Variants in DYTN observed in about 807,000 individuals in gnomAD.
The protein encoded by DYTN is dystrotelin.
Under a neutral mutation model 69.6 loss-of-function variants are expected in DYTN, and 75 were observed. That is an observed-to-expected ratio of 1.08 (90% CI 0.89 to 1.31). The LOEUF (loss-of-function observed/expected upper bound fraction) is 1.31. Ranked by LOEUF, DYTN falls within the 50% of genes most tolerant of loss-of-function variation. DYTN has a pLI of 0.00. For synonymous variants in DYTN, 252 were observed against 249.1 expected, an observed-to-expected ratio of 1.01 and a Z score of -0.11; for missense variants, 726 against 688.4, an observed-to-expected ratio of 1.05 and a Z score of -0.61.
chr2:206,715,343 G>A (rs1385415473), intron 1 of DYTN, among the ~76,000 whole-genome samples: 3 of 152,090 alleles, frequency 2.0e-5, no homozygotes, highest in Non-Finnish European at 4.4e-5. Flanking sequence ...CCCCAGAGGC[G>A]AGGGGGAGGG....
At chr2:206,691,718 A>C (rs889057452) in intron 9 of DYTN, among the ~76,000 whole-genome samples, 1 of 152,188 alleles carries the variant, frequency 6.6e-6, no homozygotes, top group African/African-American at 2.4e-5. Context: ...GGAATAATAG[A>C]TAGCATCTAA....
At chr2:206,689,510 G>A (rs1699842840) in intron 9 of DYTN, among the ~76,000 whole-genome samples, 3 of 152,202 alleles carry the variant, frequency 2.0e-5, no homozygotes, top group African/African-American at 4.8e-5. Context: ...CAACTCTACT[G>A]TACTTGGGGT....
At chr2:206,660,337 A>G (rs1190278306) in intron 11 of DYTN, among the ~76,000 whole-genome samples, 2 of 152,200 alleles carry the variant, frequency 1.3e-5, no homozygotes, top group African/African-American at 4.8e-5. Flanking sequence ...TTTAAGTATT[A>G]AACTGCACAA....
At chr2:206,669,668 A>C (rs956797868) in intron 9 of DYTN, among the ~76,000 whole-genome samples, 1 of 152,148 alleles carries the variant, frequency 6.6e-6, no homozygotes, top group Admixed American at 6.5e-5. Context: ...ATTTGCTTTT[A>C]TTTCTACATT....
chr2:206,669,497 C>T (rs907425190), intron 9 of DYTN, among the ~76,000 whole-genome samples: 6 of 152,188 alleles, frequency 3.9e-5, no homozygotes, highest in Non-Finnish European at 8.8e-5. Context: ...ATTCAATAAT[C>T]AGCCTTACAC....
chr2:206,675,243 A>AT (rs1699673373), intron 9 of DYTN, among the ~76,000 whole-genome samples: 1 of 144,570 alleles, frequency 6.9e-6, no homozygotes, highest in Admixed American at 7.0e-5. Flanking sequence ...GTATATATGT[A>AT]AATAAACATA....
rs1400692453 is a variant in DYTN at position 206,700,170 on chromosome 2, C to T, written c.530G>A (p.Ser177Asn). 6.2e-7 allele frequency: 1 copy of T among 1,613,852 alleles called. No individual in the cohort carries two copies. Among genetic ancestry groups the T allele is most frequent in the East Asian group, 2.2e-5 (1 of 44,896 alleles). ...GESRALCPVE[S>N]ATRSCFQGVL... is the part of the protein sequence containing the mutation. ...CCCTTGGAAACAGCTGCGGGTGGCA[C>T]TTTCCACAGGGCACAGAGCACGACT... Residue 177 changes from serine (S) to asparagine (N), a missense_variant, in exon 6 of 12, where the codon AGT becomes AAT. Transcript: ENST00000452335.
chr2:206,672,060 C>T (rs1699635688), intron 9 of DYTN, among the ~76,000 whole-genome samples: 1 of 152,196 alleles, frequency 6.6e-6, no homozygotes, highest in Non-Finnish European at 1.5e-5. Flanking sequence ...CACACTCACA[C>T]ACTTGAAAAT....
At chr2:206,691,744 G>A (rs548785553) in intron 9 of DYTN, among the ~76,000 whole-genome samples, 2 of 152,172 alleles carry the variant, frequency 1.3e-5, no homozygotes, top group East Asian at 3.9e-4. Context: ...AGGTCATTGT[G>A]TACTTTATCC....
intron 11 of DYTN, among the ~76,000 whole-genome samples, chr2:206,658,272 T>C (rs1438948863): frequency 6.6e-6 from 1 of 152,204 alleles, no homozygotes; most frequent in Non-Finnish European, 1.5e-5. Context: ...TCACTGAGCA[T>C]TTTTATGATG....
At chr2:206,690,039 A>G (rs78298358) in intron 9 of DYTN, among the ~76,000 whole-genome samples, 1,906 of 152,330 alleles carry the variant, frequency 0.013, 46 homozygotes, top group African/African-American at 0.043. Flanking sequence ...TAAGTAAGAT[A>G]TAGGATGTCA....
intron 11 of DYTN, among the ~76,000 whole-genome samples, chr2:206,656,196 A>T (rs61442874): frequency 0.22 from 34,055 of 152,068 alleles, 4,706 homozygotes; most frequent in East Asian, 0.46. Flanking sequence ...TAATTATAGT[A>T]TCTTCTGGGT....
chr2:206,674,017 T>C (rs545938990), intron 9 of DYTN, among the ~76,000 whole-genome samples: 1 of 152,220 alleles, frequency 6.6e-6, no homozygotes. Context: ...AATTAATTTA[T>C]AGTTCTTACC....
chr2:206,697,310 C>A (rs1025742478), intron 7 of DYTN, among the ~76,000 whole-genome samples: 16 of 152,282 alleles, frequency 1.1e-4, no homozygotes, highest in African/African-American at 3.6e-4. Context: ...TTCATTTCAA[C>A]CTTCCATGGC....
chr2:206,651,962 C>G lies in DYTN; in HGVS notation c.1634-41G>C, dbSNP rs777212248. The stretch of plus-strand genomic sequence containing the variant: ...AAGAGAGTCATTTAGAGAAACATAC[C>G]GGTAGCTTCTCATGAAGATATTGAT... On this transcript the variant is annotated intron_variant, in intron 11 of 11. Coordinates refer to ENST00000452335, the MANE Select transcript of DYTN (RefSeq NM_001093730.1). 2.6e-6 allele frequency: 4 copies of G among 1,548,890 alleles called. No homozygotes were observed. The African/African-American group carries it at 4.1e-5, about 16-fold the overall frequency.
At chr2:206,709,084 C>T (rs76797769) in intron 2 of DYTN, among the ~76,000 whole-genome samples, 9,872 of 152,148 alleles carry the variant, frequency 0.065, 439 homozygotes, top group Non-Finnish European at 0.084. Flanking sequence ...GTTTCTTTAT[C>T]TAGAGCAGTA....
chr2:206,670,516 T>C (rs1035739450), intron 9 of DYTN: 1 of 152,200 alleles, frequency 6.6e-6, no homozygotes, highest in African/African-American at 2.4e-5. Context: ...AGAGCATTAA[T>C]GGATTCATGA....
chr2:206,663,339 C>T lies in DYTN; in HGVS notation c.1197G>A (p.Lys399=), dbSNP rs868100577. ...SSSSFQNVGN[K]VDHSSTEKVP... ...CCTTTTCAGTTGAAGAATGGTCAACCTTGTTCCCCACATTTTGAAAGGAAG... is the reference window on the plus strand; with the variant it reads ...CCTTTTCAGTTGAAGAATGGTCAACTTTGTTCCCCACATTTTGAAAGGAAG... Residue 399 remains lysine, a synonymous_variant, in exon 11 of 12, where the codon AAG becomes AAA. Coordinates refer to ENST00000452335, the MANE Select transcript of DYTN (RefSeq NM_001093730.1). 6.2e-7 allele frequency: 1 copy of T among 1,613,104 alleles called. No individual in the cohort carries two copies. The highest frequency in any genetic ancestry group is 8.5e-7 in the Non-Finnish European group (1 of 1,179,644).
chr2:206,716,989 A>G (rs1700135701), intron 1 of DYTN, among the ~76,000 whole-genome samples: 1 of 151,582 alleles, frequency 6.6e-6, no homozygotes, highest in South Asian at 2.1e-4. Context: ...AGGTGAGCCA[A>G]CACCAGACCC....
Sources: gnomAD v4.1 joint callset for allele counts (sites outside exome capture counted in the v4.1 genomes callset) on GRCh38, gnomAD v4.1.1 for gene constraint, MANE v1.5 for transcripts, NCBI Gene and HGNC (gene_info 2026-07-23, HGNC 2026-07-21) for gene names.